CCDC159: variants seen among roughly 807,000 people sequenced by gnomAD.
CCDC159 encodes the protein coiled-coil domain-containing protein 159.
A neutral mutation model predicts 50.9 loss-of-function variants in CCDC159; 40 were observed. The ratio of observed to expected loss-of-function variants is 0.79; its 90% CI spans 0.61 to 1.02. The LOEUF (loss-of-function observed/expected upper bound fraction) is 1.02. Ranked by LOEUF, CCDC159 falls within the 50% of genes least tolerant of loss-of-function variation. The pLI, the probability that CCDC159 is intolerant of heterozygous loss-of-function variation, is 0.00. For missense variants in CCDC159, 356 were observed against 371.5 expected, an observed-to-expected ratio of 0.96 and a Z score of 0.34; for synonymous variants, 146 against 138.9, an observed-to-expected ratio of 1.05 and a Z score of -0.36.
In CCDC159 at chr19:11,354,638, C is replaced by T; in HGVS notation, c.831C>T (p.Asp277=). 6.2e-7 allele frequency: 1 copy of T among 1,606,268 alleles called. No homozygotes were observed. ...PPLPSWDSDS[D]CDQDLSQPPF... The stretch of plus-strand genomic sequence containing the variant: ...TCCCCTCCTGGGACTCTGACTCCGA[C>T]TGTGACCAGGACCTCTCCCAGCCAC... The change falls in exon 10 of 11, where the codon GAC becomes GAT. Residue 277 remains aspartate, a synonymous_variant. Coordinates refer to ENST00000458408, the MANE Select transcript of CCDC159 (RefSeq NM_001080503.3).
chr19:11,349,278 C>A, intron 1 of CCDC159: 1 of 873,406 alleles, frequency 1.1e-6, no homozygotes, highest in Non-Finnish European at 1.6e-6. Flanking sequence ...GGCTGTAAGG[C>A]AGAGAGACTC....
intron 10 of CCDC159, 32 bp from the exon 11 acceptor site, chr19:11,354,841 G>C: frequency 1.2e-6 from 2 of 1,612,906 alleles, no homozygotes; most frequent in Non-Finnish European, 1.7e-6. Flanking sequence ...CCTGGACCTG[G>C]CCAGGCCCTG....
At chr19:11,353,335 C>G (rs1339291605) in intron 7 of CCDC159, 116 bp from the exon 8 acceptor site, 1 of 1,079,464 alleles carries the variant, frequency 9.3e-7, no homozygotes, top group African/African-American at 1.6e-5. Context: ...CTCCTGACCT[C>G]GTGATCTGCC....
intron 5 of CCDC159, chr19:11,351,242 G>T (rs1404088524): frequency 8.1e-5 from 38 of 466,672 alleles, no homozygotes. Context: ...TTCGAGACCA[G>T]CCTGGCCAAC....
At position 11,349,580 on chromosome 19, in the gene CCDC159, CA is replaced by C. The variant is rs905650525; in HGVS notation, c.22-70del. 2.9e-5 allele frequency: 46 copies of C among 1,589,010 alleles called. No individual in the cohort carries two copies. The African/African-American group carries it at 5.4e-4, about 19-fold the overall frequency. ...GGAGATCCAACTCTTGTCCAGCCCT[CA>C]AAACTGGGTTGAGGTGAGCAAGGAG... On this transcript the variant is annotated intron_variant, in intron 1 of 10. Coordinates refer to ENST00000458408, the MANE Select transcript of CCDC159 (RefSeq NM_001080503.3).
rs766058193 is a variant in CCDC159 at position 11,350,930 on chromosome 19, C to T, written c.349C>T (p.Arg117Cys). ...QGLQGLEKTLRDSEEMQRART... is the reference protein window; with the variant it reads ...QGLQGLEKTLCDSEEMQRART... ...CCTTCAGGGGCTGGAGAAGACCCTG[C>T]GTGACAGTGAGGAGATGCAGCGGGC... is the stretch of plus-strand genomic sequence containing the variant. Residue 117 changes from arginine to cysteine, a missense_variant, in exon 5 of 11, where the codon CGT (arginine) becomes TGT (cysteine). Arg to Cys is a radical substitution (Grantham distance 180). Coordinates refer to ENST00000458408, the MANE Select transcript of CCDC159 (RefSeq NM_001080503.3). The T allele has an allele frequency of 1.1e-5, 17 of 1,553,906 alleles. No homozygotes were observed. Among genetic ancestry groups the T allele is most frequent in the South Asian group, 3.6e-5 (3 of 84,182 alleles).
intron 1 of CCDC159, among the ~76,000 whole-genome samples, chr19:11,347,538 C>T (rs1472431965): frequency 6.6e-6 from 1 of 152,148 alleles, no homozygotes; most frequent in Non-Finnish European, 1.5e-5. Flanking sequence ...CCATGTTGGC[C>T]AGGCTGGTCT....
rs764008603 is a variant in CCDC159, at chr19:11,352,222, G to A, written c.567+89G>A. ...GCCTCCACCATGAGATTGGAGCCTG[G>A]GTTCAAATCTCAGCTCTGCCACTCA... On this transcript the variant is annotated intron_variant, in intron 7 of 10. Transcript: ENST00000458408. The A allele has an allele frequency of 2.3e-6, 3 of 1,326,954 alleles. No homozygotes were observed. In the South Asian group the frequency reaches 3.7e-5, roughly 16 times the overall value. The allele number at this position is 1,326,954 out of a possible 1,614,324, so 82.2% of individuals were successfully genotyped here. A position where few individuals can be genotyped will look rare whatever the true frequency, so the allele number is the denominator to read the frequency against.
chr19:11,353,493 T>C lies in CCDC159; in HGVS notation c.610T>C (p.Cys204Arg). 6.2e-7 allele frequency: 1 copy of C among 1,608,238 alleles called. No homozygotes were observed. Among genetic ancestry groups the C allele is most frequent in the Non-Finnish European group, 8.5e-7 (1 of 1,177,432 alleles). Residue 204 changes from cysteine (C) to arginine (R), a missense_variant, in exon 8 of 11, where the codon TGT (cysteine) becomes CGT (arginine). Transcript: ENST00000458408. ...MKQQGHETAACPETEEIPQGA... is the reference protein window; with the variant it reads ...MKQQGHETAARPETEEIPQGA... Reference sequence around the variant, plus strand: ...GCAGCAGGGTCATGAGACAGCCGCCTGTCCGGAGACTGAAGAGATACCGCA... The same window carrying C: ...GCAGCAGGGTCATGAGACAGCCGCCCGTCCGGAGACTGAAGAGATACCGCA...
intron 1 of CCDC159, among the ~76,000 whole-genome samples, chr19:11,347,843 G>T (rs569760729): frequency 6.6e-6 from 1 of 152,346 alleles, no homozygotes; most frequent in East Asian, 1.9e-4. Context: ...AGGGGGAGGG[G>T]AGTTGAATGT....
chr19:11,350,205 GA>G lies in CCDC159; in HGVS notation c.226+7del. 1 of 1,607,378 alleles carries G rather than the reference GA, an allele frequency of 6.2e-7. No individual in the cohort carries two copies. The highest frequency in any genetic ancestry group is 1.1e-5 in the South Asian group (1 of 89,914). On this transcript the variant is annotated splice_region_variant and intron_variant, in intron 4 of 10. Transcript: ENST00000458408. ...CAAGATTCAGCAGCTTGAAGGTGAGGACTGACCAGAGATCAAGGTCAGGCTA... is the reference window on the plus strand; with the variant it reads ...CAAGATTCAGCAGCTTGAAGGTGAGGCTGACCAGAGATCAAGGTCAGGCTA...
At chr19:11,353,758 C>A in intron 8 of CCDC159, 34 bp from the exon 9 acceptor site, 2 of 1,567,594 alleles carry the variant, frequency 1.3e-6, no homozygotes, top group South Asian at 2.3e-5. Flanking sequence ...AGTGTGGAGT[C>A]TCCCAGCGCC....
chr19:11,350,147 C>T lies in CCDC159; in HGVS notation c.174C>T (p.Thr58=), dbSNP rs1967490117. Residue 58 remains threonine, a synonymous_variant, in exon 4 of 11, where the codon ACC becomes ACT. Coordinates refer to ENST00000458408, the MANE Select transcript of CCDC159 (RefSeq NM_001080503.3). ...TCGAGTTCCTGAACCACTCAGTGAC[C>T]ATGTTGGAGAAGGAGAGCTGCTTGC... is the stretch of plus-strand genomic sequence containing the variant. ...KAFEFLNHSV[T]MLEKESCLQQ... 12 of 1,613,448 alleles carry T rather than the reference C, an allele frequency of 7.4e-6. No individual in the cohort carries two copies. The highest frequency in any genetic ancestry group is 9.3e-6 in the Non-Finnish European group (11 of 1,179,770).
At chr19:11,350,731 G>C in intron 4 of CCDC159, 77 bp from the exon 5 acceptor site, 1 of 1,390,648 alleles carries the variant, frequency 7.2e-7, no homozygotes, top group Non-Finnish European at 9.6e-7. Context: ...GGGAGAGTCT[G>C]GGTTCTGGGT....
Position 11,346,588 on chromosome 19 carries a change from A to T in CCDC159, c.-19A>T, listed in dbSNP as rs1295949131. ...TCAAACTTCAGCGTCACAGCTGAGG[A>T]CTGGCTTCGTGGTCCCTGATGGGAG... On this transcript the variant is annotated 5_prime_UTR_variant, in exon 1 of 11. Coordinates refer to ENST00000458408, the MANE Select transcript of CCDC159 (RefSeq NM_001080503.3). The T allele has an allele frequency of 1.3e-6, 2 of 1,551,462 alleles. No homozygotes were observed. The highest frequency in any genetic ancestry group is 1.2e-5 in the South Asian group (1 of 84,058).
intron 4 of CCDC159, 118 bp downstream of exon 4, chr19:11,350,317 C>T: frequency 1.4e-6 from 1 of 713,760 alleles, no homozygotes; most frequent in South Asian, 1.6e-5. Flanking sequence ...AGTTTGAGAC[C>T]AGCCTGGACA....
chr19:11,346,711 CT>C (rs1250090622), intron 1 of CCDC159, 84 bp downstream of exon 1: 27 of 1,451,342 alleles, frequency 1.9e-5, no homozygotes, highest in Middle Eastern at 1.7e-4. Flanking sequence ...ACCCCGCCCC[CT>C]CCCTAAATAA....
Position 11,352,143 on chromosome 19 carries a change from G to A in CCDC159, c.567+10G>A, listed in dbSNP as rs1019104985. Reference sequence around the variant, plus strand: ...GGTGAAATGCCGCAAAGTGAGTGGAGGAGATGGGGACCCTGGGGAGGAGTG... The same window carrying A: ...GGTGAAATGCCGCAAAGTGAGTGGAAGAGATGGGGACCCTGGGGAGGAGTG... On this transcript the variant is annotated intron_variant, in intron 7 of 10. Transcript: ENST00000458408. 1 of 1,612,294 alleles carries A rather than the reference G, an allele frequency of 6.2e-7. No homozygotes were observed. The highest frequency in any genetic ancestry group is 1.3e-5 in the African/African-American group (1 of 74,880).
rs924291238 is a variant in CCDC159, at chr19:11,353,947, G to A, written c.772+73G>A. On this transcript the variant is annotated intron_variant, in intron 9 of 10. Transcript: ENST00000458408. ...TTCACAGGGAGGCTATGTTCAGAGA[G>A]CCTATTTGGGAGTCACATCTGATGG... 33 of 1,267,652 alleles carry A rather than the reference G, an allele frequency of 2.6e-5. No individual in the cohort carries two copies. The African/African-American group carries it at 4.1e-4, about 16-fold the overall frequency. 78.5% of individuals were successfully genotyped at this position (1,267,652 alleles called of 1,614,324 possible). A position where few individuals can be genotyped will look rare whatever the true frequency, so the allele number is the denominator to read the frequency against.
Sources: allele counts gnomAD v4.1 joint callset (sites outside exome capture counted in the v4.1 genomes callset), GRCh38; gene constraint gnomAD v4.1.1; transcripts MANE v1.5; gene names NCBI Gene and HGNC (gene_info 2026-07-23, HGNC 2026-07-21).